MTHFD1L: variants seen among roughly 807,000 people sequenced by gnomAD.
MTHFD1L encodes monofunctional C1-tetrahydrofolate synthase, mitochondrial.
MTHFD1L carries 81 observed loss-of-function variants against 119.5 expected under a neutral mutation model. The observed-to-expected ratio is 0.68, with a 90% CI of 0.57 to 0.82. The LOEUF (loss-of-function observed/expected upper bound fraction) is 0.82, where lower values mean the gene tolerates loss of function less well. Among genes scored for constraint, MTHFD1L ranks in the 40% least tolerant of loss-of-function variants. The pLI is 0.00. For synonymous variants in MTHFD1L, 430 were observed against 475.2 expected, an observed-to-expected ratio of 0.90 and a Z score of 1.24; for missense variants, 1,125 against 1,253.4, an observed-to-expected ratio of 0.90 and a Z score of 1.55.
rs143904058 is a variant in MTHFD1L, at chr6:150,916,379, G to A, written c.893-2198G>A. On this transcript the variant is annotated intron_variant, in intron 8 of 27. Coordinates refer to ENST00000367321, the MANE Select transcript of MTHFD1L (RefSeq NM_015440.5). ...GTGAGTGGTGTGATCTCGGCTCACCGCAATCTCCGCCTCCCAGGTTCAAGC... is the reference window on the plus strand; with the variant it reads ...GTGAGTGGTGTGATCTCGGCTCACCACAATCTCCGCCTCCCAGGTTCAAGC... 2.5e-3 allele frequency among the ~76,000 whole-genome samples: 298 copies of A among 121,018 alleles called. 1 individual carries two copies. The highest frequency in any genetic ancestry group is 7.5e-3 in the East Asian group (26 of 3,472). The allele number at this position is 121,018 out of a possible 152,430, so 79.4% of individuals were successfully genotyped here.
intron 21 of MTHFD1L, among the ~76,000 whole-genome samples, chr6:151,011,716 C>T (rs1782250797): frequency 6.6e-6 from 1 of 152,130 alleles, no homozygotes; most frequent in African/African-American, 2.4e-5. Flanking sequence ...AGCCAGTGAT[C>T]ATGGTAACAT....
Position 150,865,778 on chromosome 6 carries a change from G to C in MTHFD1L, c.-45G>C. 8.0e-7 allele frequency: 1 copy of C among 1,250,536 alleles called. No homozygotes were observed. Among genetic ancestry groups the C allele is most frequent in the Non-Finnish European group, 1.0e-6 (1 of 993,948 alleles). 77.5% of individuals were successfully genotyped at this position (1,250,536 alleles called of 1,614,324 possible). ...CCCTGGCACGCGCCCCGCCGCCCTCGGCAGCCGCAGCTCCGTGTCCCCTGA... is the reference window on the plus strand; with the variant it reads ...CCCTGGCACGCGCCCCGCCGCCCTCCGCAGCCGCAGCTCCGTGTCCCCTGA... On this transcript the variant is annotated 5_prime_UTR_variant, in exon 1 of 28. Coordinates refer to ENST00000367321, the MANE Select transcript of MTHFD1L (RefSeq NM_015440.5).
intron 26 of MTHFD1L, among the ~76,000 whole-genome samples, chr6:151,054,079 G>A (rs1789507563): frequency 6.6e-6 from 1 of 152,140 alleles, no homozygotes; most frequent in Non-Finnish European, 1.5e-5. Flanking sequence ...TTTCGGCAGG[G>A]AGAGAGAAGA....
Position 150,936,801 on chromosome 6 carries a change from C to G in MTHFD1L, c.1257-3C>G. ...AAAATTCACTTTCTCCCCCCGAACTCAGGATCACACCCACCCCTCTTGGAG... is the reference window on the plus strand; with the variant it reads ...AAAATTCACTTTCTCCCCCCGAACTGAGGATCACACCCACCCCTCTTGGAG... On this transcript the variant is annotated splice_polypyrimidine_tract_variant and splice_region_variant and intron_variant, in intron 11 of 27. Coordinates refer to ENST00000367321, the MANE Select transcript of MTHFD1L (RefSeq NM_015440.5). 6.2e-7 allele frequency: 1 copy of G among 1,611,328 alleles called. No homozygotes were observed. The highest frequency in any genetic ancestry group is 8.5e-7 in the Non-Finnish European group (1 of 1,177,956).
At chr6:150,910,340 G>T (rs939070440) in intron 8 of MTHFD1L, among the ~76,000 whole-genome samples, 1 of 151,782 alleles carries the variant, frequency 6.6e-6, no homozygotes, top group African/African-American at 2.4e-5. Flanking sequence ...GAGGCAGGCG[G>T]ATCACCTGCG....
intron 20 of MTHFD1L, among the ~76,000 whole-genome samples, chr6:150,984,472 G>A (rs1327342635): frequency 6.6e-6 from 1 of 151,672 alleles, no homozygotes; most frequent in Non-Finnish European, 1.5e-5. Context: ...TGAGAAGCCT[G>A]GTTTCTGTCT....
chr6:151,064,789 G>GTTTTTTTTTTTTTTTTTTT (rs63491461), intron 26 of MTHFD1L, among the ~76,000 whole-genome samples: 1 of 147,796 alleles, frequency 6.8e-6, no homozygotes. Flanking sequence ...TTCTTTTTTT[G>GTTTTTTTTTTTTTTTTTTT]TTTTTTTTTT....
intron 26 of MTHFD1L, among the ~76,000 whole-genome samples, chr6:151,076,094 A>G (rs962874877): frequency 6.6e-6 from 1 of 152,230 alleles, no homozygotes; most frequent in Non-Finnish European, 1.5e-5. Context: ...TGACCAGCTA[A>G]GCACAGTAGC....
chr6:151,098,477 G>A (rs946499993), intron 27 of MTHFD1L, among the ~76,000 whole-genome samples: 1 of 152,140 alleles, frequency 6.6e-6, no homozygotes, highest in African/African-American at 2.4e-5. Flanking sequence ...AGTGCTGTGT[G>A]CCTTCTTCCT....
intron 26 of MTHFD1L, among the ~76,000 whole-genome samples, chr6:151,068,253 C>T (rs1317239375): frequency 6.6e-6 from 1 of 152,240 alleles, no homozygotes; most frequent in African/African-American, 2.4e-5. Flanking sequence ...CCCGCCTGAC[C>T]ACACTGCAGT....
At chr6:150,866,990 A>G (rs1335448139) in intron 1 of MTHFD1L, among the ~76,000 whole-genome samples, 1 of 151,946 alleles carries the variant, frequency 6.6e-6, no homozygotes, top group East Asian at 1.9e-4. Flanking sequence ...CACCTCCTCC[A>G]TTCACATCCT....
intron 9 of MTHFD1L, among the ~76,000 whole-genome samples, chr6:150,921,204 C>T (rs1198709469): frequency 6.6e-6 from 1 of 151,864 alleles, no homozygotes; most frequent in Non-Finnish European, 1.5e-5. Context: ...ACTGCAACCT[C>T]CACCTCCCGG....
chr6:151,072,226 AAT>A (rs1792030322), intron 26 of MTHFD1L, among the ~76,000 whole-genome samples: 1 of 152,214 alleles, frequency 6.6e-6, no homozygotes, highest in Admixed American at 6.5e-5. Flanking sequence ...TTAGTAAATG[AAT>A]GAAATTTTGG....
chr6:150,974,097 G>C (rs1022862101), intron 20 of MTHFD1L, among the ~76,000 whole-genome samples: 8 of 152,196 alleles, frequency 5.3e-5, no homozygotes, highest in African/African-American at 1.9e-4. Context: ...CAAAGGGCAA[G>C]CCCTAAGTCA....
intron 8 of MTHFD1L, among the ~76,000 whole-genome samples, chr6:150,916,737 CTTTTT>C (rs57961829): frequency 8.3e-5 from 6 of 72,112 alleles, no homozygotes; most frequent in African/African-American, 2.6e-4. Flanking sequence ...GATTCTATCC[CTTTTT>C]TTTTTTTTTT....
chr6:150,923,719 T>C (rs1260448954), intron 10 of MTHFD1L, among the ~76,000 whole-genome samples: 2 of 151,538 alleles, frequency 1.3e-5, no homozygotes, highest in East Asian at 1.9e-4. Flanking sequence ...TGAACTCCAT[T>C]TCCTTGGACA....
At position 150,913,645 on chromosome 6, in the gene MTHFD1L, A is replaced by G. The variant is rs186504480; in HGVS notation, c.893-4932A>G. Among the ~76,000 whole-genome samples the G allele has an allele frequency of 1.1e-4, 16 of 152,242 alleles. No homozygotes were observed. The East Asian group carries it at 3.1e-3, about 29-fold the overall frequency. Reference sequence around the variant, plus strand: ...AAACTGAATTAGAAAATCTGAGTGCAGGCTAGAGTTATATATAATTAAGAG... The same window carrying G: ...AAACTGAATTAGAAAATCTGAGTGCGGGCTAGAGTTATATATAATTAAGAG... On this transcript the variant is annotated intron_variant, in intron 8 of 27. Coordinates refer to ENST00000367321, the MANE Select transcript of MTHFD1L (RefSeq NM_015440.5).
rs1306740184 is a variant in MTHFD1L at position 150,985,678 on chromosome 6, A to AG, written c.2125+13620_2125+13621insG. Among the ~76,000 whole-genome samples the AG allele has an allele frequency of 6.0e-5, 9 of 151,140 alleles. No homozygotes were observed. In the East Asian group the frequency reaches 9.7e-4, roughly 16 times the overall value. The stretch of plus-strand genomic sequence containing the variant: ...TCTGTCTCAAAAAAAAAAAAAAAAA[A>AG]AAAGAAAGAAAGAAAAAGAAAACTC... On this transcript the variant is annotated intron_variant, in intron 20 of 27. Transcript: ENST00000367321.
chr6:151,050,251 C>T (rs1054343065), intron 26 of MTHFD1L, among the ~76,000 whole-genome samples: 13 of 152,212 alleles, frequency 8.5e-5, no homozygotes, highest in African/African-American at 3.1e-4. Context: ...CTACCTCCGC[C>T]TCCTGGGTTC....
Sources: allele counts gnomAD v4.1 joint callset (sites outside exome capture counted in the v4.1 genomes callset), GRCh38; gene constraint gnomAD v4.1.1; transcripts MANE v1.5; gene names NCBI Gene and HGNC (gene_info 2026-07-23, HGNC 2026-07-21).